The following SERPINB9 variants were observed in gnomAD, a reference collection of about 807,000 sequenced individuals.
The protein encoded by SERPINB9 is serpin family B member 9, also known as serpin B9.
In SERPINB9, 20 loss-of-function variants were observed where a neutral mutation model predicts 27.2. The observed-to-expected ratio is 0.74, with a 90% CI of 0.52 to 1.07. The LOEUF is 1.07. SERPINB9 is among the 50% of genes least tolerant of loss of function. The pLI is 0.00. For synonymous variants in SERPINB9, 189 were observed against 180.0 expected, an observed-to-expected ratio of 1.05 and a Z score of -0.40; for missense variants, 476 against 460.1, an observed-to-expected ratio of 1.03 and a Z score of -0.32.
chr6:2,894,589 A>G lies in SERPINB9; in HGVS notation c.424+802T>C, dbSNP rs1375100065. Among the ~76,000 whole-genome samples, 2 of 152,174 alleles carry G rather than the reference A, an allele frequency of 1.3e-5. No homozygotes were observed. The highest frequency in any genetic ancestry group is 4.8e-5 in the African/African-American group (2 of 41,422). Reference sequence around the variant, plus strand: ...GTAATGGTGATGGAGGTCCCCCAGAACCTAGGAAGAGGCAGCCCAAGTGTA... The same window carrying G: ...GTAATGGTGATGGAGGTCCCCCAGAGCCTAGGAAGAGGCAGCCCAAGTGTA... On this transcript the variant is annotated intron_variant, in intron 4 of 6. Transcript: ENST00000380698. The surrounding 1 kb of genome is among the most constrained non-coding windows in gnomAD (Gnocchi z 4.7).
chr6:2,892,384 GA>G (rs1198201669), intron 5 of SERPINB9, among the ~76,000 whole-genome samples: 2 of 151,626 alleles, frequency 1.3e-5, no homozygotes, highest in Non-Finnish European at 2.9e-5. Context: ...CAACATATGA[GA>G]AAAAAAATCA....
chr6:2,897,589 C>CAATTGTTTTCAAT, intron 2 of SERPINB9, among the ~76,000 whole-genome samples: 1 of 152,218 alleles, frequency 6.6e-6, no homozygotes, highest in African/African-American at 2.4e-5. Context: ...TAAAACATAG[C>CAATTGTTTTCAAT]ATTGTTTTCA....
rs318485 is a variant in SERPINB9, at chr6:2,889,643, C to G, written c.*520G>C. 1 of 148,702 alleles carries G rather than the reference C, an allele frequency of 6.7e-6. No homozygotes were observed. Among genetic ancestry groups the G allele is most frequent in the Admixed American group, 6.7e-5 (1 of 14,970 alleles). The allele number at this position is 148,702 out of a possible 1,614,324, so 9.2% of individuals were successfully genotyped here. The stretch of plus-strand genomic sequence containing the variant: ...CCGGGAGGCGGAGCTTGCAGTGAGC[C>G]GAGATCGAGCCACTGCACTCCAGCC... On this transcript the variant is annotated 3_prime_UTR_variant, in exon 7 of 7. Coordinates refer to ENST00000380698, the MANE Select transcript of SERPINB9 (RefSeq NM_004155.6).
At chr6:2,893,849 A>G (rs927836772) in intron 4 of SERPINB9, among the ~76,000 whole-genome samples, 3 of 152,184 alleles carry the variant, frequency 2.0e-5, no homozygotes, top group Non-Finnish European at 4.4e-5. Context: ...GAAATGTGAT[A>G]GGCTGAAGGG....
At chr6:2,902,531 T>C (rs936182513) in intron 1 of SERPINB9, among the ~76,000 whole-genome samples, 1 of 152,186 alleles carries the variant, frequency 6.6e-6, no homozygotes, top group Admixed American at 6.5e-5. Context: ...TTTCTTTTTT[T>C]TGTTTTGAGA....
rs61748573 is a variant in SERPINB9 at position 2,891,896 on chromosome 6, G to C, written c.660C>G (p.Pro220=). The part of the protein sequence containing the change: ...GEVRAQLLEL[P]YARKELSLLV... ...GCAGGCTCAGCTCCTTCCTGGCGTAGGGCAGCTCCAGCAGCTGCGCGCGCA... is the reference window on the plus strand; with the variant it reads ...GCAGGCTCAGCTCCTTCCTGGCGTACGGCAGCTCCAGCAGCTGCGCGCGCA... Residue 220 remains proline (P), a synonymous_variant, in exon 6 of 7, where the codon CCC becomes CCG. Transcript: ENST00000380698. This position sits in a 1 kb window ranked among gnomAD's most constrained non-coding sequence, Gnocchi z 4.0. The C allele has an allele frequency of 6.2e-7, 1 of 1,612,364 alleles. No homozygotes were observed. The highest frequency in any genetic ancestry group is 1.7e-5 in the Admixed American group (1 of 59,952).
At position 2,899,399 on chromosome 6, in the gene SERPINB9, A is replaced by G. The variant is rs116707903; in HGVS notation, c.168+1045T>C. Among the ~76,000 whole-genome samples, 817 of 152,264 alleles carry G rather than the reference A, an allele frequency of 5.4e-3. 6 individuals are homozygous for G. Among genetic ancestry groups the G allele is most frequent in the African/African-American group, 0.019 (771 of 41,542 alleles). On this transcript the variant is annotated intron_variant, in intron 2 of 6. Coordinates refer to ENST00000380698, the MANE Select transcript of SERPINB9 (RefSeq NM_004155.6). ...AAGGCCATCACAGCCTTACACAACAAAATACTTGTGCAAGGACATCTACCC... is the reference window on the plus strand; with the variant it reads ...AAGGCCATCACAGCCTTACACAACAGAATACTTGTGCAAGGACATCTACCC...
chr6:2,890,138 G>A lies in SERPINB9; in HGVS notation c.*25C>T. ...CTGGGGACACAGGAAGAGGGAAATG[G>A]CCGAGTGCACGGTAAGTGCACCCTT... is the stretch of plus-strand genomic sequence containing the variant. On this transcript the variant is annotated 3_prime_UTR_variant, in exon 7 of 7. Coordinates refer to ENST00000380698, the MANE Select transcript of SERPINB9 (RefSeq NM_004155.6). The surrounding 1 kb of genome is among the most constrained non-coding windows in gnomAD (Gnocchi z 6.2). 1.3e-6 allele frequency: 2 copies of A among 1,593,506 alleles called. No homozygotes were observed. Among genetic ancestry groups the A allele is most frequent in the Non-Finnish European group, 1.7e-6 (2 of 1,167,106 alleles).
chr6:2,892,015 A>G, intron 5 of SERPINB9, 27 bp from the exon 6 acceptor site: 1 of 1,609,426 alleles, frequency 6.2e-7, no homozygotes, highest in Non-Finnish European at 8.5e-7. Context: ...TGAAAGACGC[A>G]ATTAAAACTT....
intron 2 of SERPINB9, among the ~76,000 whole-genome samples, chr6:2,898,741 G>T (rs73345433): frequency 3.9e-5 from 6 of 151,912 alleles, no homozygotes; most frequent in South Asian, 4.1e-4. Flanking sequence ...GTGAACTCGG[G>T]GGGTGGAGCT....
intron 4 of SERPINB9, among the ~76,000 whole-genome samples, 189 bp downstream of exon 4, chr6:2,895,202 C>T (rs980279188): frequency 6.6e-6 from 1 of 152,162 alleles, no homozygotes; most frequent in African/African-American, 2.4e-5. Context: ...GTCAACACTA[C>T]TCTGACCATC....
At chr6:2,900,100 T>G (rs1768144394) in intron 2 of SERPINB9, 1 of 372,060 alleles carries the variant, frequency 2.7e-6, no homozygotes, top group African/African-American at 2.1e-5. Flanking sequence ...ACAAAGTCTC[T>G]TGCTCCAAAA....
In SERPINB9 at chr6:2,890,963, C is replaced by T. The variant is rs1263956494; in HGVS notation, c.724-393G>A. ...GAAACGAAAGGGCTCTCAGTGTGAG[C>T]CACTCCAACAGGATTATCTGTCCCA... On this transcript the variant is annotated intron_variant, in intron 6 of 6. Coordinates refer to ENST00000380698, the MANE Select transcript of SERPINB9 (RefSeq NM_004155.6). This position sits in a 1 kb window ranked among gnomAD's most constrained non-coding sequence, Gnocchi z 6.2. Among the ~76,000 whole-genome samples the T allele has an allele frequency of 6.6e-6, 1 of 152,132 alleles. No homozygotes were observed. Among genetic ancestry groups the T allele is most frequent in the African/African-American group, 2.4e-5 (1 of 41,416 alleles).
Position 2,890,385 on chromosome 6 carries a change from C to T in SERPINB9, c.909G>A (p.Met303Ile). ...ACAGACACAGGTCTCTCTCCGCTGA[C>T]ATTGCCGACAAGTCAGCCTTGCCCT... is the stretch of plus-strand genomic sequence containing the variant. ...FQQGKADLSA[M>I]SAERDLCLSK... The change falls in exon 7 of 7, where the codon ATG becomes ATA. Residue 303 changes from methionine (M) to isoleucine (I), a missense_variant. Met to Ile is a conservative substitution (Grantham distance 10). Transcript: ENST00000380698. This position sits in a 1 kb window ranked among gnomAD's most constrained non-coding sequence, Gnocchi z 6.2. 6.2e-7 allele frequency: 1 copy of T among 1,614,230 alleles called. No individual in the cohort carries two copies.
At chr6:2,902,682 T>G (rs1768244782) in intron 1 of SERPINB9, among the ~76,000 whole-genome samples, 2 of 151,898 alleles carry the variant, frequency 1.3e-5, no homozygotes, top group African/African-American at 4.8e-5. Context: ...CATGCCCGGC[T>G]AATTTCTGTA....
At position 2,895,396 on chromosome 6, in the gene SERPINB9, G is replaced by T; in HGVS notation, c.419C>A (p.Thr140Asn). Reference sequence around the variant, plus strand: ...CAATAACTTGTCATTCTGACCTTCGGTCTTTTTTGAGACCCAGGTGTTGAT... The same window carrying T: ...CAATAACTTGTCATTCTGACCTTCGTTCTTTTTTGAGACCCAGGTGTTGAT... ...KHINTWVSKK[T>N]EGKIEELLPG... The change falls in exon 4 of 7, where the codon ACC (threonine) becomes AAC (asparagine). Residue 140 changes from threonine to asparagine, a missense_variant. Thr to Asn is a moderately conservative substitution (Grantham distance 65). Coordinates refer to ENST00000380698, the MANE Select transcript of SERPINB9 (RefSeq NM_004155.6). The T allele has an allele frequency of 6.2e-7, 1 of 1,606,202 alleles. No individual in the cohort carries two copies. Among genetic ancestry groups the T allele is most frequent in the African/African-American group, 1.3e-5 (1 of 74,476 alleles).
intron 4 of SERPINB9, among the ~76,000 whole-genome samples, chr6:2,893,832 C>G (rs574149629): frequency 1.3e-5 from 2 of 152,188 alleles, no homozygotes; most frequent in South Asian, 4.2e-4. Flanking sequence ...GAGAACAAGA[C>G]CAGCAGGAAA....
Position 2,889,957 on chromosome 6 carries a change from T to C in SERPINB9, c.*206A>G, listed in dbSNP as rs577978705. ...ATTTTAATACAACAGGGAATCATTATGGTCTATTTTCTCAAGATTCTGATT... is the reference window on the plus strand; with the variant it reads ...ATTTTAATACAACAGGGAATCATTACGGTCTATTTTCTCAAGATTCTGATT... On this transcript the variant is annotated 3_prime_UTR_variant, in exon 7 of 7. Coordinates refer to ENST00000380698, the MANE Select transcript of SERPINB9 (RefSeq NM_004155.6). 47 of 473,694 alleles carry C rather than the reference T, an allele frequency of 9.9e-5. No homozygotes were observed. Among genetic ancestry groups the C allele is most frequent in the Middle Eastern group, 1.1e-3 (2 of 1,840 alleles). 29.3% of individuals were successfully genotyped at this position (473,694 alleles called of 1,614,324 possible). A position where few individuals can be genotyped will look rare whatever the true frequency, so the allele number is the denominator to read the frequency against.
chr6:2,895,469 G>C lies in SERPINB9; in HGVS notation c.346C>G (p.Leu116Val), dbSNP rs991418173. 2.5e-6 allele frequency: 4 copies of C among 1,613,796 alleles called. No individual in the cohort carries two copies. In the African/African-American group the frequency reaches 5.3e-5, roughly 22 times the overall value. ...ESCLQFYHAE[L>V]KELSFIRAAE... ...GCTCTGATAAAGGAAAGCTCCTTCA[G>C]CTCAGCATGGTAGAATTGAAGACAG... Residue 116 changes from leucine (L) to valine (V), a missense_variant, in exon 4 of 7, where the codon CTG (leucine) becomes GTG (valine). By Grantham distance (32) the Leu-to-Val change is conservative. Transcript: ENST00000380698.
Sources: gnomAD v4.1 joint callset for allele counts (sites outside exome capture counted in the v4.1 genomes callset) on GRCh38, gnomAD v4.1.1 for gene constraint, Gnocchi (gnomAD v3.1) non-coding constraint, MANE v1.5 for transcripts, NCBI Gene and HGNC (gene_info 2026-07-23, HGNC 2026-07-21) for gene names.